Variants in ACOXL observed in about 807,000 individuals in gnomAD.
ACOXL encodes acyl-CoA oxidase like.
In ACOXL, 70 loss-of-function variants were observed where a neutral mutation model predicts 71.9. That is an observed-to-expected ratio of 0.97 (90% CI 0.80 to 1.19). ACOXL has a LOEUF of 1.19. ACOXL is among the 50% of genes most tolerant of loss of function. The pLI, the probability that ACOXL is intolerant of heterozygous loss-of-function variation, is 0.00. For missense variants in ACOXL, 703 were observed against 736.3 expected (o/e 0.95, Z 0.52); for synonymous variants, 253 against 281.6 (o/e 0.90, Z 1.02).
intron 14 of ACOXL, among the ~76,000 whole-genome samples, chr2:111,017,359 C>G (rs567691717): frequency 6.6e-6 from 1 of 152,192 alleles, no homozygotes; most frequent in Non-Finnish European, 1.5e-5. Flanking sequence ...GCAATCTTAC[C>G]GCAGAACTGA....
rs185528025 is a variant in ACOXL at position 111,031,349 on chromosome 2, G to C, written c.1282-278G>C. Among the ~76,000 whole-genome samples the C allele has an allele frequency of 2.3e-3, 357 of 152,320 alleles. 1 individual carries two copies. Among genetic ancestry groups the C allele is most frequent in the African/African-American group, 8.1e-3 (338 of 41,568 alleles). On this transcript the variant is annotated intron_variant, in intron 14 of 17. Transcript: ENST00000439055. ...CAATCAGAACAGCCTCACTTGATCTGTGCCTGCATTCTCCCCTTCACGTGT... is the reference window on the plus strand; with the variant it reads ...CAATCAGAACAGCCTCACTTGATCTCTGCCTGCATTCTCCCCTTCACGTGT...
At chr2:111,059,953 G>A (rs541007505) in intron 16 of ACOXL, among the ~76,000 whole-genome samples, 1 of 152,034 alleles carries the variant, frequency 6.6e-6, no homozygotes, top group African/African-American at 2.4e-5. Flanking sequence ...AAGAGGGGAA[G>A]GGGTAGGGGA....
intron 12 of ACOXL, among the ~76,000 whole-genome samples, chr2:110,944,905 C>T (rs572423270): frequency 1.3e-5 from 2 of 152,264 alleles, no homozygotes; most frequent in African/African-American, 4.8e-5. Flanking sequence ...GTTTTAAGTT[C>T]GTTGATAAAT....
At chr2:110,797,658 G>C (rs1308908917) in intron 5 of ACOXL, among the ~76,000 whole-genome samples, 1 of 152,164 alleles carries the variant, frequency 6.6e-6, no homozygotes, top group African/African-American at 2.4e-5. Context: ...AAACAGCGAG[G>C]AACCAAGTGA....
intron 1 of ACOXL, among the ~76,000 whole-genome samples, chr2:110,733,386 T>C (rs1013197969): frequency 1.3e-5 from 2 of 152,080 alleles, no homozygotes; most frequent in African/African-American, 4.8e-5. Context: ...GAGGGTTGAG[T>C]GCTTGAGCTG....
rs758004704 is a variant in ACOXL, at chr2:110,841,351, T to C, written c.754-20T>C. 2.7e-5 allele frequency: 43 copies of C among 1,593,056 alleles called. No individual in the cohort carries two copies. In the African/African-American group the frequency reaches 5.4e-4, roughly 20 times the overall value. On this transcript the variant is annotated intron_variant, in intron 9 of 17. Coordinates refer to ENST00000439055, the MANE Select transcript of ACOXL (RefSeq NM_001142807.4). Reference sequence around the variant, plus strand: ...ACTCTTGATATTACTTAATTTGTTTTTCTCTCTTTTTAATTACAGCTTGGG... The same window carrying C: ...ACTCTTGATATTACTTAATTTGTTTCTCTCTCTTTTTAATTACAGCTTGGG...
intron 11 of ACOXL, among the ~76,000 whole-genome samples, chr2:110,927,806 G>C (rs2060333120): frequency 6.6e-6 from 1 of 152,140 alleles, no homozygotes; most frequent in Admixed American, 6.5e-5. Context: ...CATCACACCT[G>C]GCTGTGGGAT....
At chr2:110,805,488 C>T in intron 9 of ACOXL, 93 bp downstream of exon 9, 1 of 1,542,248 alleles carries the variant, frequency 6.5e-7, no homozygotes, top group Non-Finnish European at 8.9e-7. Flanking sequence ...CTTCTGGAGC[C>T]ACAGTTGGTA....
intron 1 of ACOXL, among the ~76,000 whole-genome samples, chr2:110,753,642 T>C (rs1457691327): frequency 6.6e-6 from 1 of 152,238 alleles, no homozygotes; most frequent in African/African-American, 2.4e-5. Flanking sequence ...GGGCTGTTTC[T>C]AGTTTGGAGC....
intron 9 of ACOXL, among the ~76,000 whole-genome samples, chr2:110,830,286 A>G (rs1689662262): frequency 6.6e-6 from 1 of 152,168 alleles, no homozygotes; most frequent in African/African-American, 2.4e-5. Context: ...TCTCTATGTA[A>G]TTATATAAAT....
At chr2:110,774,119 C>T (rs922774679) in intron 2 of ACOXL, among the ~76,000 whole-genome samples, 3 of 152,190 alleles carry the variant, frequency 2.0e-5, no homozygotes, top group Admixed American at 6.5e-5. Context: ...AATTATTTCT[C>T]GCTACCTTTT....
In ACOXL at chr2:111,117,672, T is replaced by C. The variant is rs1286477704; in HGVS notation, c.1599T>C (p.Phe533=). 6 of 1,551,776 alleles carry C rather than the reference T, an allele frequency of 3.9e-6. No individual in the cohort carries two copies. The South Asian group carries it at 7.1e-5, about 18-fold the overall frequency. Residue 533 remains phenylalanine (F), a synonymous_variant, in exon 18 of 18, where the codon TTT becomes TTC. Coordinates refer to ENST00000439055, the MANE Select transcript of ACOXL (RefSeq NM_001142807.4). ...KDDARRVIST[F]NIPHTYLHAP... ...ATGCCCGGAGGGTGATCTCGACCTT[T>C]AACATTCCACACACCTACCTCCACG... is the stretch of plus-strand genomic sequence containing the variant.
At chr2:110,932,748 G>C (rs2060521897) in intron 11 of ACOXL, among the ~76,000 whole-genome samples, 2 of 152,170 alleles carry the variant, frequency 1.3e-5, no homozygotes, top group Admixed American at 1.3e-4. Flanking sequence ...ACTTTGTGCT[G>C]GGTCAAGGGG....
chr2:111,080,935 A>C (rs1173351902), intron 16 of ACOXL, among the ~76,000 whole-genome samples: 1 of 152,244 alleles, frequency 6.6e-6, no homozygotes, highest in Non-Finnish European at 1.5e-5. Context: ...TGATTATCTC[A>C]ATAGATACAG....
chr2:110,956,571 G>A lies in ACOXL; in HGVS notation c.1059+22929G>A, dbSNP rs75472635. 3.3e-3 allele frequency among the ~76,000 whole-genome samples: 495 copies of A among 152,198 alleles called. 3 individuals carry two copies. Among genetic ancestry groups the A allele is most frequent in the Middle Eastern group, 6.8e-3 (2 of 294 alleles). ...CATGCTCCCAGATCCCCTCACATAC[G>A]GTTTCTGCACCACTGGGCACGGTGG... On this transcript the variant is annotated intron_variant, in intron 12 of 17. Coordinates refer to ENST00000439055, the MANE Select transcript of ACOXL (RefSeq NM_001142807.4).
chr2:110,782,320 TTTAA>T (rs1294885998), intron 2 of ACOXL, among the ~76,000 whole-genome samples: 1 of 152,172 alleles, frequency 6.6e-6, no homozygotes, highest in African/African-American at 2.4e-5. Context: ...TTAGACATTC[TTTAA>T]TTAAGAACAA....
At chr2:110,873,781 T>G (rs557712815) in intron 10 of ACOXL, among the ~76,000 whole-genome samples, 1 of 152,312 alleles carries the variant, frequency 6.6e-6, no homozygotes, top group Non-Finnish European at 1.5e-5. Flanking sequence ...CAATTGCGTT[T>G]TCTACGTCTG....
Position 110,768,331 on chromosome 2 carries a change from A to G in ACOXL, c.-22-37A>G. ...ATCCACAGCCTCCCCTCAGTCACCA[A>G]TTATTGGCTGTCTTATTTTGTATCT... On this transcript the variant is annotated intron_variant, in intron 1 of 17. Coordinates refer to ENST00000439055, the MANE Select transcript of ACOXL (RefSeq NM_001142807.4). 6 of 1,578,648 alleles carry G rather than the reference A, an allele frequency of 3.8e-6. No homozygotes were observed. The South Asian group carries it at 4.4e-5, about 12-fold the overall frequency.
intron 3 of ACOXL, among the ~76,000 whole-genome samples, chr2:110,788,878 T>G (rs148947205): frequency 6.6e-6 from 1 of 152,338 alleles, no homozygotes; most frequent in East Asian, 1.9e-4. Flanking sequence ...ACAGTTCCTG[T>G]GAGCTCTGGG....
Sources: gnomAD v4.1 joint callset for allele counts (sites outside exome capture counted in the v4.1 genomes callset) on GRCh38, gnomAD v4.1.1 for gene constraint, MANE v1.5 for transcripts, NCBI Gene and HGNC (gene_info 2026-07-23, HGNC 2026-07-21) for gene names.